The following SDK1 variants were observed in gnomAD, a reference collection of about 807,000 sequenced individuals.
The protein encoded by SDK1 is protein sidekick-1.
SDK1 carries 157 observed loss-of-function variants against 245.5 expected under a neutral mutation model. The observed-to-expected ratio is 0.64, with a 90% CI of 0.56 to 0.73. The LOEUF is 0.73. Ranked by LOEUF, SDK1 falls within the 30% of genes least tolerant of loss-of-function variation. SDK1 has a pLI of 0.00. For synonymous variants in SDK1, 1,647 were observed against 1,278.5 expected, an observed-to-expected ratio of 1.29 and a Z score of -6.15; for missense variants, 3,583 against 3,002.3, an observed-to-expected ratio of 1.19 and a Z score of -4.52.
chr7:3,549,826 A>G (rs1249777556), intron 1 of SDK1, among the ~76,000 whole-genome samples: 1 of 152,026 alleles, frequency 6.6e-6, no homozygotes, highest in African/African-American at 2.4e-5. Context: ...GTTAACAGAG[A>G]TCTGAATCAT....
intron 35 of SDK1, among the ~76,000 whole-genome samples, chr7:4,200,620 G>A (rs897320771): frequency 6.6e-6 from 1 of 152,222 alleles, no homozygotes; most frequent in Non-Finnish European, 1.5e-5. Context: ...TCCTTGCCAT[G>A]AAGGGCCTCT....
chr7:4,260,054 G>A (rs1234976892), intron 44 of SDK1, among the ~76,000 whole-genome samples: 3 of 152,358 alleles, frequency 2.0e-5, no homozygotes, highest in South Asian at 2.1e-4. Flanking sequence ...GTTTATCATC[G>A]TCACCCGATG....
At chr7:3,450,150 T>C (rs1018805714) in intron 1 of SDK1, among the ~76,000 whole-genome samples, 2 of 152,226 alleles carry the variant, frequency 1.3e-5, no homozygotes, top group East Asian at 3.9e-4. Context: ...AAGTCCGTTA[T>C]TCTGTATAAT....
rs1029132610 is a variant in SDK1, at chr7:3,615,215, A to C, written c.299-3865A>C. ...TTTTTCTGTTGTTAAACAGAGTGCAAATGGCCAGACATTAATAAAGCCTGT... is the reference window on the plus strand; with the variant it reads ...TTTTTCTGTTGTTAAACAGAGTGCACATGGCCAGACATTAATAAAGCCTGT... On this transcript the variant is annotated intron_variant, in intron 1 of 44. Transcript: ENST00000404826. Among the ~76,000 whole-genome samples, 50 of 151,642 alleles carry C rather than the reference A, an allele frequency of 3.3e-4. 2 individuals are homozygous for C. The highest frequency in any genetic ancestry group is 2.0e-4 in the Admixed American group (3 of 15,188).
intron 1 of SDK1, among the ~76,000 whole-genome samples, chr7:3,495,084 T>G (rs142747962): frequency 2.4e-3 from 369 of 152,208 alleles, no homozygotes; most frequent in African/African-American, 8.3e-3. Context: ...ATTCCCTGTC[T>G]TGGTTGATGA....
intron 13 of SDK1, among the ~76,000 whole-genome samples, chr7:3,977,863 C>T (rs1360295261): frequency 6.6e-6 from 1 of 152,222 alleles, no homozygotes; most frequent in East Asian, 1.9e-4. Context: ...TGCCTGCGTG[C>T]ATGCATGAAG....
At chr7:3,931,938 A>G (rs1779991399) in intron 5 of SDK1, among the ~76,000 whole-genome samples, 1 of 152,212 alleles carries the variant, frequency 6.6e-6, no homozygotes, top group Non-Finnish European at 1.5e-5. Context: ...GCTGTTATTC[A>G]TGCTGGGCAT....
chr7:3,377,393 C>T (rs539946427), intron 1 of SDK1, among the ~76,000 whole-genome samples: 22 of 152,236 alleles, frequency 1.4e-4, no homozygotes, highest in South Asian at 2.1e-4. Flanking sequence ...CTGCCCCCTG[C>T]GCTAAATGGA....
chr7:3,734,720 A>G (rs1042513869), intron 4 of SDK1, among the ~76,000 whole-genome samples: 2 of 152,242 alleles, frequency 1.3e-5, no homozygotes, highest in Non-Finnish European at 2.9e-5. Flanking sequence ...GACATCTGTA[A>G]TGAGTGCCGC....
intron 2 of SDK1, among the ~76,000 whole-genome samples, chr7:3,637,553 G>A (rs1782503304): frequency 6.6e-6 from 1 of 152,218 alleles, no homozygotes; most frequent in Non-Finnish European, 1.5e-5. Flanking sequence ...TCGAGTGGCG[G>A]TTGGTTACCT....
At chr7:3,339,391 A>G (rs187951115) in intron 1 of SDK1, among the ~76,000 whole-genome samples, 23 of 152,304 alleles carry the variant, frequency 1.5e-4, no homozygotes, top group Admixed American at 9.8e-4. Context: ...AATTAGTAAA[A>G]CTATACACCA....
intron 5 of SDK1, among the ~76,000 whole-genome samples, chr7:3,890,226 T>C (rs1345992512): frequency 1.3e-5 from 2 of 152,250 alleles, no homozygotes; most frequent in Non-Finnish European, 2.9e-5. Flanking sequence ...AGAGAATTAC[T>C]CTGCAGACCT....
intron 5 of SDK1, among the ~76,000 whole-genome samples, chr7:3,833,429 G>A (rs7806513): frequency 1.3e-5 from 2 of 152,092 alleles, no homozygotes; most frequent in African/African-American, 4.8e-5. Context: ...ACAAAGGCTT[G>A]CTTTCATTTG....
At chr7:3,852,112 C>T (rs528171097) in intron 5 of SDK1, among the ~76,000 whole-genome samples, 10 of 151,152 alleles carry the variant, frequency 6.6e-5, no homozygotes, top group South Asian at 2.1e-4. Context: ...ATTAGAGGAC[C>T]GGCCTCAGTG....
At chr7:3,468,312 TG>T (rs1781074642) in intron 1 of SDK1, among the ~76,000 whole-genome samples, 1 of 152,192 alleles carries the variant, frequency 6.6e-6, no homozygotes, top group South Asian at 2.1e-4. Context: ...TTAACTGTGT[TG>T]GGACTCAGAA....
chr7:3,386,189 C>T (rs1366541417), intron 1 of SDK1, among the ~76,000 whole-genome samples: 1 of 152,052 alleles, frequency 6.6e-6, no homozygotes, highest in African/African-American at 2.4e-5. Context: ...TAGCATCCAG[C>T]CAAATTATCA....
intron 2 of SDK1, among the ~76,000 whole-genome samples, chr7:3,624,413 G>A (rs1254174464): frequency 1.3e-5 from 2 of 152,030 alleles, no homozygotes; most frequent in African/African-American, 4.8e-5. Flanking sequence ...TGCCTAGGCT[G>A]GTCTCAAACT....
intron 1 of SDK1, chr7:3,338,318 C>T (rs749390643): frequency 6.3e-5 from 31 of 492,292 alleles, no homozygotes; most frequent in South Asian, 5.2e-4. Context: ...CAAGAGTCTA[C>T]GATGTTACTC....
At chr7:4,105,123 C>T (rs1782816988) in intron 22 of SDK1, among the ~76,000 whole-genome samples, 1 of 151,932 alleles carries the variant, frequency 6.6e-6, no homozygotes, top group Admixed American at 6.6e-5. Context: ...GCTGGGATTA[C>T]AGGCATGTGC....
Sources: gnomAD v4.1 joint callset for allele counts (sites outside exome capture counted in the v4.1 genomes callset) on GRCh38, gnomAD v4.1.1 for gene constraint, MANE v1.5 for transcripts, NCBI Gene and HGNC (gene_info 2026-07-23, HGNC 2026-07-21) for gene names.